CASQ2: variants seen among roughly 807,000 people sequenced by gnomAD.
CASQ2 encodes the protein calsequestrin-2.
In CASQ2, 49 loss-of-function variants were observed where a neutral mutation model predicts 46.5. That is an observed-to-expected ratio of 1.05 (90% CI 0.84 to 1.34). The LOEUF (loss-of-function observed/expected upper bound fraction) is 1.34, where lower values mean the gene tolerates loss of function less well. Among genes scored for constraint, CASQ2 ranks in the 40% most tolerant of loss-of-function variants. CASQ2 has a pLI of 0.00. For missense variants in CASQ2, 486 were observed against 481.3 expected (o/e 1.01, Z -0.09); for synonymous variants, 174 against 168.5 (o/e 1.03, Z -0.25).
chr1:115,723,548 T>C (rs2101075141), intron 7 of CASQ2, among the ~76,000 whole-genome samples: 1 of 152,336 alleles, frequency 6.6e-6, no homozygotes, highest in African/African-American at 2.4e-5. Context: ...TAAGACTCTT[T>C]TTTTTTTGAG....
intron 1 of CASQ2, among the ~76,000 whole-genome samples, chr1:115,746,203 A>C (rs2101102878): frequency 6.6e-6 from 1 of 151,534 alleles, no homozygotes; most frequent in East Asian, 1.9e-4. Context: ...GTATGAATGT[A>C]TCATAGTTTG....
chr1:115,706,293 A>G (rs1654361456), intron 8 of CASQ2, among the ~76,000 whole-genome samples: 2 of 152,202 alleles, frequency 1.3e-5, no homozygotes, highest in South Asian at 4.1e-4. Context: ...CCCAGAGTAT[A>G]GAAGACCCAT....
intron 1 of CASQ2, among the ~76,000 whole-genome samples, chr1:115,749,282 G>C (rs1024330107): frequency 6.6e-6 from 1 of 152,182 alleles, no homozygotes; most frequent in Non-Finnish European, 1.5e-5. Flanking sequence ...TTTGGTTTTA[G>C]GTAGATCCAA....
intron 3 of CASQ2, among the ~76,000 whole-genome samples, chr1:115,739,304 A>T (rs1462471152): frequency 6.7e-6 from 1 of 150,158 alleles, no homozygotes; most frequent in Non-Finnish European, 1.5e-5. Flanking sequence ...TTTAGTAGAG[A>T]TGGGGTTTCA....
intron 8 of CASQ2, among the ~76,000 whole-genome samples, chr1:115,708,535 GTTAT>G (rs1654434475): frequency 6.6e-6 from 1 of 152,150 alleles, no homozygotes; most frequent in Non-Finnish European, 1.5e-5. Flanking sequence ...CTTAGAGCAA[GTTAT>G]TTAATGTTTC....
intron 1 of CASQ2, among the ~76,000 whole-genome samples, chr1:115,763,516 C>T (rs1000020119): frequency 1.3e-5 from 2 of 152,182 alleles, no homozygotes; most frequent in African/African-American, 4.8e-5. Context: ...CTCCCAAGGC[C>T]TGATTTCCTC....
At chr1:115,765,816 G>A (rs1404419532) in intron 1 of CASQ2, among the ~76,000 whole-genome samples, 2 of 152,120 alleles carry the variant, frequency 1.3e-5, no homozygotes, top group South Asian at 2.1e-4. Flanking sequence ...ATGGACACTG[G>A]GAACTGCCTC....
At chr1:115,742,535 C>T (rs1433575958) in intron 2 of CASQ2, among the ~76,000 whole-genome samples, 1 of 152,190 alleles carries the variant, frequency 6.6e-6, no homozygotes, top group Non-Finnish European at 1.5e-5. Context: ...TACCCCAACT[C>T]CTCCAAACTG....
chr1:115,701,733 A>G (rs1654211764), intron 10 of CASQ2, among the ~76,000 whole-genome samples: 1 of 152,214 alleles, frequency 6.6e-6, no homozygotes, highest in Admixed American at 6.5e-5. Context: ...TCAGGGGAGT[A>G]GGAAATACTT....
intron 5 of CASQ2, among the ~76,000 whole-genome samples, chr1:115,729,989 A>T (rs1437076638): frequency 1.3e-5 from 2 of 152,236 alleles, no homozygotes; most frequent in Non-Finnish European, 1.5e-5. Flanking sequence ...GAGGTGCAGC[A>T]GAGTGGAACC....
chr1:115,751,417 C>T (rs939089785), intron 1 of CASQ2, among the ~76,000 whole-genome samples: 4 of 104,760 alleles, frequency 3.8e-5, no homozygotes, highest in Non-Finnish European at 6.9e-5. Flanking sequence ...CGCCTGTAAT[C>T]CCAGCACTTT....
Position 115,768,442 on chromosome 1 carries a change from C to G in CASQ2, c.100G>C (p.Val34Leu). 1.2e-6 allele frequency: 2 copies of G among 1,613,436 alleles called. No individual in the cohort carries two copies. Among genetic ancestry groups the G allele is most frequent in the Non-Finnish European group, 1.7e-6 (2 of 1,179,350 alleles). Reference sequence around the variant, plus strand: ...AAGTTCTTCTCGGAAAGACTTACCACTCGGTCCTTCCCATCATATGTGGGG... The same window carrying G: ...AAGTTCTTCTCGGAAAGACTTACCAGTCGGTCCTTCCCATCATATGTGGGG... ...NFPTYDGKDR[V>L]VSLSEKNFKQ... The change falls in exon 1 of 11, where the codon GTG (valine) becomes CTG (leucine). Residue 34 changes from valine to leucine, a missense_variant. Val to Leu is a conservative substitution (Grantham distance 32). Coordinates refer to ENST00000261448, the MANE Select transcript of CASQ2 (RefSeq NM_001232.4).
intron 7 of CASQ2, among the ~76,000 whole-genome samples, chr1:115,720,044 T>C (rs1647314548): frequency 6.6e-6 from 1 of 152,224 alleles, no homozygotes; most frequent in African/African-American, 2.4e-5. Flanking sequence ...CTTATTCTTA[T>C]TGAATGCTTG....
intron 2 of CASQ2, 86 bp downstream of exon 2, chr1:115,744,742 T>C: frequency 1.2e-6 from 1 of 855,814 alleles, no homozygotes; most frequent in Non-Finnish European, 2.0e-6. Flanking sequence ...AGTCCGCTTA[T>C]GCAAGAATAA....
intron 1 of CASQ2, among the ~76,000 whole-genome samples, chr1:115,755,646 C>T (rs1346201436): frequency 3.3e-5 from 5 of 152,160 alleles, no homozygotes; most frequent in African/African-American, 1.2e-4. Flanking sequence ...CAGCAAATGC[C>T]ATGGATAACT....
intron 9 of CASQ2, 27 bp from the exon 10 acceptor site, chr1:115,703,022 A>T (rs1411281782): frequency 6.3e-7 from 1 of 1,589,038 alleles, no homozygotes; most frequent in Non-Finnish European, 8.6e-7. Flanking sequence ...ATAAGATTAG[A>T]CAGCAGGCAG....
chr1:115,727,130 C>G lies in CASQ2; in HGVS notation c.607-8G>C. The stretch of plus-strand genomic sequence containing the variant: ...AGATAATTTCTTTGCAACCTGTAAC[C>G]ATTAGAAATAAGACAAAGTTTATTT... On this transcript the variant is annotated splice_polypyrimidine_tract_variant and splice_region_variant and intron_variant, in intron 5 of 10. Transcript: ENST00000261448. The G allele has an allele frequency of 6.2e-7, 1 of 1,606,550 alleles. No homozygotes were observed. Among genetic ancestry groups the G allele is most frequent in the Non-Finnish European group, 8.5e-7 (1 of 1,173,444 alleles).
intron 5 of CASQ2, among the ~76,000 whole-genome samples, chr1:115,732,470 T>C (rs1032797737): frequency 3.3e-5 from 5 of 152,232 alleles, no homozygotes; most frequent in African/African-American, 9.6e-5. Context: ...CCTCTTGTTT[T>C]TCGCAGAACA....
At chr1:115,733,764 A>G (rs1342518251) in intron 4 of CASQ2, among the ~76,000 whole-genome samples, 2 of 152,178 alleles carry the variant, frequency 1.3e-5, no homozygotes, top group African/African-American at 2.4e-5. Flanking sequence ...CTGAGAGTCA[A>G]TGAGCCTGTG....
Sources: gnomAD v4.1 joint callset for allele counts (sites outside exome capture counted in the v4.1 genomes callset) on GRCh38, gnomAD v4.1.1 for gene constraint, MANE v1.5 for transcripts, NCBI Gene and HGNC (gene_info 2026-07-23, HGNC 2026-07-21) for gene names.